GLRA2: variants seen among roughly 807,000 people sequenced by gnomAD.
The protein encoded by GLRA2 is glycine receptor subunit alpha-2.
A neutral mutation model predicts 31.6 loss-of-function variants in GLRA2; 11 were observed. The ratio of observed to expected loss-of-function variants is 0.35; its 90% confidence interval spans 0.22 to 0.58. The LOEUF is 0.58. Among genes scored for constraint, GLRA2 ranks in the 20% least tolerant of loss-of-function variants. The probability of loss-of-function intolerance (pLI) is 0.84; values close to 1 mark genes in which losing one functional copy is unlikely to be tolerated. For synonymous variants in GLRA2, 132 were observed against 134.0 expected, an observed-to-expected ratio of 0.99 and a Z score of 0.10; for missense variants, 212 against 351.8, an observed-to-expected ratio of 0.60 and a Z score of 3.18.
rs182486007 is a variant in GLRA2 at position 14,723,691 on chromosome X, C to A, written c.1081-6516C>A. Among the ~76,000 whole-genome samples the A allele has an allele frequency of 7.6e-4, 85 of 111,673 alleles. 1 individual carries two copies. Among genetic ancestry groups the A allele is most frequent in the Non-Finnish European group, 2.8e-4 (15 of 53,115 alleles). On this transcript the variant is annotated intron_variant, in intron 8 of 8. Coordinates refer to ENST00000218075, the MANE Select transcript of GLRA2 (RefSeq NM_002063.4). ...AGGCCTCAGTTGCATCCCTCAATTG[C>A]AGCAAACCCTCCTATCTCAGACATT...
At chrX:14,625,279 G>A (rs1361784487) in intron 7 of GLRA2, among the ~76,000 whole-genome samples, 1 of 111,126 alleles carries the variant, frequency 9.0e-6, no homozygotes, top group Non-Finnish European at 1.9e-5. Context: ...ACAGCACACT[G>A]ATGGGTCTTG....
At chrX:14,591,881 A>G (rs3027363) in intron 4 of GLRA2, among the ~76,000 whole-genome samples, 43,878 of 110,787 alleles carry the variant, frequency 0.4, 7,863 homozygotes, top group African/African-American at 0.71. Flanking sequence ...CTTACATTTC[A>G]TTAACATTCA....
chrX:14,578,870 A>T (rs2089985370), intron 3 of GLRA2, among the ~76,000 whole-genome samples: 1 of 111,906 alleles, frequency 8.9e-6, no homozygotes, highest in Non-Finnish European at 1.9e-5. Context: ...GCCTGGAAGG[A>T]TGTAGGTAGA....
At chrX:14,483,553 G>A in the GLRA2 span, among the ~76,000 whole-genome samples, 1 of 112,092 alleles carries the variant, frequency 8.9e-6, no homozygotes, top group African/African-American at 3.2e-5. Flanking sequence ...CAAGAAAACT[G>A]TCCTCTGAAG....
chrX:14,533,304 T>C (rs1335642490), intron 2 of GLRA2, among the ~76,000 whole-genome samples: 2 of 110,767 alleles, frequency 1.8e-5, no homozygotes, highest in Admixed American at 9.6e-5. Flanking sequence ...TTATTAGCAA[T>C]TTAATGGCAC....
chrX:14,599,613 T>A (rs1395984754), intron 4 of GLRA2, among the ~76,000 whole-genome samples: 2 of 112,316 alleles, frequency 1.8e-5, no homozygotes, highest in Non-Finnish European at 3.8e-5. Context: ...ATAGCCTTTT[T>A]AAATAGCAAA....
At chrX:14,614,831 TG>T (rs750848820) in intron 7 of GLRA2, among the ~76,000 whole-genome samples, 13 of 111,886 alleles carry the variant, frequency 1.2e-4, no homozygotes, top group African/African-American at 4.2e-4. Flanking sequence ...CTTACAGGGG[TG>T]GGTATAAACC....
intron 2 of GLRA2, among the ~76,000 whole-genome samples, chrX:14,544,523 A>G (rs1239940839): frequency 1.8e-5 from 2 of 111,744 alleles, no homozygotes; most frequent in Non-Finnish European, 3.8e-5. Flanking sequence ...ATGAAATTTT[A>G]AAAATTTAAA....
chrX:14,479,235 GAGA>G, the GLRA2 span, among the ~76,000 whole-genome samples: 1 of 111,954 alleles, frequency 8.9e-6, no homozygotes, highest in East Asian at 2.8e-4. Context: ...CTGAATATCA[GAGA>G]TAGTTTGCTC....
chrX:14,713,901 T>C (rs1244232758), intron 8 of GLRA2, among the ~76,000 whole-genome samples: 1 of 111,236 alleles, frequency 9.0e-6, no homozygotes, highest in Non-Finnish European at 1.9e-5. Context: ...AATCCATTTA[T>C]TTGCTATGTT....
intron 7 of GLRA2, among the ~76,000 whole-genome samples, chrX:14,687,280 T>C (rs1178957082): frequency 2.7e-5 from 3 of 111,920 alleles, no homozygotes; most frequent in South Asian, 3.7e-4. Context: ...CAGTTACCTG[T>C]CTTGGCGTTG....
intron 2 of GLRA2, among the ~76,000 whole-genome samples, chrX:14,568,783 A>C (rs777120242): frequency 1.8e-4 from 20 of 111,368 alleles, no homozygotes; most frequent in African/African-American, 6.5e-4. Flanking sequence ...GACCTCTCTC[A>C]TACCATATAC....
chrX:14,514,239 T>C, the GLRA2 span, among the ~76,000 whole-genome samples: 1 of 108,702 alleles, frequency 9.2e-6, no homozygotes, highest in Non-Finnish European at 1.9e-5. Context: ...ACAGTGGACT[T>C]TGGGGACTCG....
At chrX:14,611,435 T>C (rs1293235269) in intron 7 of GLRA2, among the ~76,000 whole-genome samples, 1 of 113,191 alleles carries the variant, frequency 8.8e-6, no homozygotes, top group Non-Finnish European at 1.9e-5. Flanking sequence ...CTTTTTTCCA[T>C]GTGCATTTAT....
At chrX:14,463,683 C>T in the GLRA2 span, among the ~76,000 whole-genome samples, 1 of 110,952 alleles carries the variant, frequency 9.0e-6, no homozygotes, top group South Asian at 4.0e-4. Flanking sequence ...GAGACAAGCA[C>T]AGGAGGGGAT....
intron 2 of GLRA2, 105 bp downstream of exon 2, chrX:14,532,477 A>T: frequency 2.1e-6 from 1 of 475,182 alleles, no homozygotes; most frequent in East Asian, 4.0e-5. Context: ...AATGAAAATG[A>T]CAAGTATAGT....
chrX:14,579,107 C>T (rs2089988174), intron 3 of GLRA2, among the ~76,000 whole-genome samples: 1 of 112,066 alleles, frequency 8.9e-6, no homozygotes, highest in Non-Finnish European at 1.9e-5. Flanking sequence ...GTTGTTTTAT[C>T]TCCAATCTGA....
chrX:14,499,674 A>G, the GLRA2 span, among the ~76,000 whole-genome samples: 1 of 110,964 alleles, frequency 9.0e-6, no homozygotes, highest in Non-Finnish European at 1.9e-5. Flanking sequence ...TAAAGATGGG[A>G]ACTATAGACA....
At chrX:14,655,522 CTG>C (rs775281535) in intron 7 of GLRA2, among the ~76,000 whole-genome samples, 48 of 111,548 alleles carry the variant, frequency 4.3e-4, no homozygotes, top group Non-Finnish European at 8.9e-4. Context: ...TGTTAAATCT[CTG>C]TTATTCTTGA....
Sources: allele counts gnomAD v4.1 joint callset (sites outside exome capture counted in the v4.1 genomes callset), GRCh38; gene constraint gnomAD v4.1.1; transcripts MANE v1.5; gene names NCBI Gene and HGNC (gene_info 2026-07-23, HGNC 2026-07-21).